DNAI1: variants seen among roughly 807,000 people sequenced by gnomAD.
The protein encoded by DNAI1 is dynein axonemal intermediate chain 1.
A neutral mutation model predicts 92.0 loss-of-function variants in DNAI1; 67 were observed. The observed-to-expected ratio is 0.73, with a 90% CI of 0.60 to 0.89. The LOEUF (loss-of-function observed/expected upper bound fraction) is 0.89, where lower values mean the gene tolerates loss of function less well. DNAI1 is among the 40% of genes least tolerant of loss of function. DNAI1 has a pLI of 0.00. For missense variants in DNAI1, 839 were observed against 866.6 expected, an observed-to-expected ratio of 0.97 and a Z score of 0.40; for synonymous variants, 323 against 319.6, an observed-to-expected ratio of 1.01 and a Z score of -0.11.
intron 19 of DNAI1, among the ~76,000 whole-genome samples, chr9:34,519,123 C>T (rs933884378): frequency 1.3e-5 from 2 of 152,116 alleles, no homozygotes; most frequent in African/African-American, 4.8e-5. Context: ...TAGAGGTTCC[C>T]GTGAAATTGC....
At position 34,519,649 on chromosome 9, in the gene DNAI1, G is replaced by T. The variant is rs142420610; in HGVS notation, c.2002-1009G>T. 5.1e-3 allele frequency among the ~76,000 whole-genome samples: 774 copies of T among 152,286 alleles called. 11 individuals carry two copies. Among genetic ancestry groups the T allele is most frequent in the African/African-American group, 0.018 (739 of 41,550 alleles). ...CAGGGGGAAATCTGAGCTCCACATG[G>T]TGACAGCAGCCAAAAAGGAGCCAGG... On this transcript the variant is annotated intron_variant, in intron 19 of 19. Coordinates refer to ENST00000242317, the MANE Select transcript of DNAI1 (RefSeq NM_012144.4).
Position 34,477,856 on chromosome 9 carries a change from T to C in DNAI1, c.49-5592T>C, listed in dbSNP as rs1824266355. On this transcript the variant is annotated intron_variant, in intron 1 of 19. Coordinates refer to ENST00000242317, the MANE Select transcript of DNAI1 (RefSeq NM_012144.4). The stretch of plus-strand genomic sequence containing the variant: ...TCTGTCATCAATTCGAATATGAGGT[T>C]CTGGGAAGTCTAAGCTGCAGAAATA... Among the ~76,000 whole-genome samples the C allele has an allele frequency of 2.0e-5, 3 of 151,542 alleles. No homozygotes were observed. The South Asian group carries it at 6.3e-4, about 32-fold the overall frequency.
Position 34,506,869 on chromosome 9 carries a change from T to A in DNAI1, c.1306T>A (p.Trp436Arg). The A allele has an allele frequency of 3.1e-6, 5 of 1,613,850 alleles. No individual in the cohort carries two copies. The highest frequency in any genetic ancestry group is 4.2e-6 in the Non-Finnish European group (5 of 1,179,948). ...AKSGKHSDPV[W>R]QVKWQKDDMD... Reference sequence around the variant, plus strand: ...GTCTGGCAAGCACTCAGACCCTGTGTGGCAGGTCAGCAACCAGGCTGGGAG... The same window carrying A: ...GTCTGGCAAGCACTCAGACCCTGTGAGGCAGGTCAGCAACCAGGCTGGGAG... The change falls in exon 13 of 20, where the codon TGG (tryptophan) becomes AGG (arginine). Residue 436 changes from tryptophan to arginine, a missense_variant. Physicochemically the swap from Trp to Arg is moderately radical, Grantham distance 101. Coordinates refer to ENST00000242317, the MANE Select transcript of DNAI1 (RefSeq NM_012144.4).
In DNAI1 at chr9:34,514,526, T is replaced by A; in HGVS notation, c.1702T>A (p.Trp568Arg). The A allele has an allele frequency of 6.2e-7, 1 of 1,614,256 alleles. No homozygotes were observed. The highest frequency in any genetic ancestry group is 8.5e-7 in the Non-Finnish European group (1 of 1,180,042). ...SCSSDWTVKI[W>R]DHTIKTPMFI... ...CAGCTCCGACTGGACAGTGAAGATC[T>A]GGGACCACACCATCAAGTGAGGGGC... The change falls in exon 17 of 20, where the codon TGG becomes AGG. Residue 568 changes from tryptophan (W) to arginine (R), a missense_variant. Trp to Arg is a moderately radical substitution (Grantham distance 101). Transcript: ENST00000242317.
chr9:34,512,682 C>A (rs1587090315), intron 15 of DNAI1, among the ~76,000 whole-genome samples: 1 of 152,158 alleles, frequency 6.6e-6, no homozygotes, highest in Admixed American at 6.5e-5. Context: ...TATGCAGATC[C>A]AGCCCTGTTT....
chr9:34,520,338 T>C (rs918015994), intron 19 of DNAI1, among the ~76,000 whole-genome samples: 56 of 152,178 alleles, frequency 3.7e-4, no homozygotes, highest in African/African-American at 1.3e-3. Flanking sequence ...GAGCTGGATT[T>C]CCCTGGCCTG....
At chr9:34,471,583 C>T (rs982991923) in intron 1 of DNAI1, among the ~76,000 whole-genome samples, 11 of 152,070 alleles carry the variant, frequency 7.2e-5, no homozygotes, top group Admixed American at 7.2e-4. Flanking sequence ...GCCTGGCCAA[C>T]TTAGTGAAAC....
At position 34,512,363 on chromosome 9, in the gene DNAI1, C is replaced by T; in HGVS notation, c.1428C>T (p.Ile476=). The change falls in exon 15 of 20, where the codon ATC becomes ATT. Residue 476 remains isoleucine (I), a synonymous_variant. Coordinates refer to ENST00000242317, the MANE Select transcript of DNAI1 (RefSeq NM_012144.4). The stretch of plus-strand genomic sequence containing the variant: ...GAAAGCTGGTTCACATAGATGTCAT[C>T]AAGCTGAAGGTGGAAGGCAGCACCA... The part of the protein sequence containing the change: ...VKRKLVHIDV[I]KLKVEGSTTE... The T allele has an allele frequency of 6.2e-7, 1 of 1,614,136 alleles. No homozygotes were observed. The highest frequency in any genetic ancestry group is 8.5e-7 in the Non-Finnish European group (1 of 1,180,018).
intron 8 of DNAI1, 123 bp from the exon 9 acceptor site, chr9:34,493,071 C>G (rs1824640434): frequency 1.4e-5 from 19 of 1,310,716 alleles, no homozygotes; most frequent in Non-Finnish European, 2.1e-5. Flanking sequence ...TCCAACAGGC[C>G]AAGTAGAAGA....
In DNAI1 at chr9:34,489,993, T is replaced by C; in HGVS notation, c.389-19T>C. On this transcript the variant is annotated intron_variant, in intron 5 of 19. Coordinates refer to ENST00000242317, the MANE Select transcript of DNAI1 (RefSeq NM_012144.4). Reference sequence around the variant, plus strand: ...AGAGCAGGCTTAGACTTTGAACTCATTGGCAGTATCCTACCAAGGTTCTCA... The same window carrying C: ...AGAGCAGGCTTAGACTTTGAACTCACTGGCAGTATCCTACCAAGGTTCTCA... 6.2e-7 allele frequency: 1 copy of C among 1,613,622 alleles called. No homozygotes were observed. The highest frequency in any genetic ancestry group is 8.5e-7 in the Non-Finnish European group (1 of 1,179,770).
intron 9 of DNAI1, among the ~76,000 whole-genome samples, chr9:34,495,327 G>A (rs756497648): frequency 2.2e-4 from 34 of 152,186 alleles, no homozygotes; most frequent in Admixed American, 1.7e-3. Flanking sequence ...GGAGTGGTCA[G>A]ACTGGGGAGG....
chr9:34,472,303 C>T (rs112108605), intron 1 of DNAI1, among the ~76,000 whole-genome samples: 4 of 152,308 alleles, frequency 2.6e-5, no homozygotes, highest in East Asian at 1.9e-4. Flanking sequence ...AGGGACTAAA[C>T]GCCTTGCTCA....
At chr9:34,512,458 G>T in intron 15 of DNAI1, 34 bp downstream of exon 15, 1 of 1,601,328 alleles carries the variant, frequency 6.2e-7, no homozygotes, top group South Asian at 1.1e-5. Flanking sequence ...TCCAGGCCTG[G>T]CCAGGTCATT....
At chr9:34,477,047 G>T (rs879450200) in intron 1 of DNAI1, among the ~76,000 whole-genome samples, 2 of 152,148 alleles carry the variant, frequency 1.3e-5, no homozygotes, top group Non-Finnish European at 2.9e-5. Flanking sequence ...ACAGGGTCTC[G>T]CTATTTTGCC....
chr9:34,485,045 G>T (rs1824443760), intron 2 of DNAI1, 97 bp from the exon 3 acceptor site: 1 of 1,184,668 alleles, frequency 8.4e-7, no homozygotes, highest in East Asian at 2.3e-5. Flanking sequence ...AAGGGGCAGA[G>T]CTTGGCTTCT....
intron 2 of DNAI1, among the ~76,000 whole-genome samples, chr9:34,484,887 AG>A (rs1291525866): frequency 1.3e-5 from 2 of 152,208 alleles, no homozygotes; most frequent in Non-Finnish European, 2.9e-5. Flanking sequence ...CTGGGGCCAG[AG>A]GCCTACCACA....
At chr9:34,513,054 G>C in intron 15 of DNAI1, 58 bp from the exon 16 acceptor site, 1 of 1,373,870 alleles carries the variant, frequency 7.3e-7, no homozygotes, top group Non-Finnish European at 1.0e-6. Flanking sequence ...AGTAGGGGAG[G>C]CACTGGGAGC....
intron 5 of DNAI1, among the ~76,000 whole-genome samples, 184 bp from the exon 6 acceptor site, chr9:34,489,828 G>A (rs560399594): frequency 4.1e-4 from 63 of 152,100 alleles, no homozygotes; most frequent in African/African-American, 1.3e-3. Context: ...TTCCAGCCTG[G>A]CGACACAGTG....
chr9:34,487,075 T>A (rs1824486951), intron 4 of DNAI1, among the ~76,000 whole-genome samples: 1 of 152,270 alleles, frequency 6.6e-6, no homozygotes, highest in African/African-American at 2.4e-5. Context: ...AATGCTGCTA[T>A]GAACATTTGT....
Sources: gnomAD v4.1 joint callset for allele counts (sites outside exome capture counted in the v4.1 genomes callset) on GRCh38, gnomAD v4.1.1 for gene constraint, MANE v1.5 for transcripts, NCBI Gene and HGNC (gene_info 2026-07-23, HGNC 2026-07-21) for gene names.